MYBPC1: variants seen among roughly 807,000 people sequenced by gnomAD.
MYBPC1 encodes myosin binding protein C1.
MYBPC1 carries 52 observed loss-of-function variants against 147.1 expected under a neutral mutation model. The observed-to-expected ratio is 0.35, with a 90% confidence interval of 0.28 to 0.45. The LOEUF is 0.45. Among genes scored for constraint, MYBPC1 ranks in the 20% least tolerant of loss-of-function variants. The probability of loss-of-function intolerance (pLI) is 1.00; values close to 1 mark genes in which losing one functional copy is unlikely to be tolerated. For synonymous variants in MYBPC1, 477 were observed against 475.9 expected, an observed-to-expected ratio of 1.00 and a Z score of -0.03; for missense variants, 1,228 against 1,440.3, an observed-to-expected ratio of 0.85 and a Z score of 2.39.
At chr12:101,674,165 T>C (rs1022139115) in intron 25 of MYBPC1, among the ~76,000 whole-genome samples, 2 of 152,224 alleles carry the variant, frequency 1.3e-5, no homozygotes, top group African/African-American at 4.8e-5. Flanking sequence ...ATGGATGTGC[T>C]TTTTAGTGAA....
At chr12:101,666,800 A>G (rs1418625244) in intron 22 of MYBPC1, 1 of 1,612,706 alleles carries the variant, frequency 6.2e-7, no homozygotes, top group Admixed American at 1.7e-5. Flanking sequence ...TCTGCCAGGT[A>G]AAGTATTCCG....
chr12:101,692,474 G>A, the MYBPC1 span, among the ~76,000 whole-genome samples: 1 of 152,170 alleles, frequency 6.6e-6, no homozygotes. Context: ...TTGAATCCTG[G>A]CTTTACCACT....
chr12:101,667,558 A>G (rs1446134011), intron 22 of MYBPC1, among the ~76,000 whole-genome samples, 174 bp from the exon 23 acceptor site: 1 of 152,192 alleles, frequency 6.6e-6, no homozygotes, highest in Non-Finnish European at 1.5e-5. Flanking sequence ...TTTTTTATTT[A>G]ATATATGAAA....
chr12:101,693,630 A>G, the MYBPC1 span, among the ~76,000 whole-genome samples: 1 of 152,198 alleles, frequency 6.6e-6, no homozygotes, highest in African/African-American at 2.4e-5. Flanking sequence ...AGTCTCAGCT[A>G]CTCAGGATGC....
intron 10 of MYBPC1, 98 bp downstream of exon 10, chr12:101,636,826 T>G: frequency 9.9e-7 from 1 of 1,008,782 alleles, no homozygotes; most frequent in Non-Finnish European, 1.6e-6. Context: ...TTCAGAGAAT[T>G]TTTCATTTCT....
At chr12:101,631,454 C>A in intron 6 of MYBPC1, 117 bp from the exon 7 acceptor site, 4 of 1,184,894 alleles carry the variant, frequency 3.4e-6, no homozygotes, top group Non-Finnish European at 5.0e-6. Context: ...TTCACAATTC[C>A]GAGGGCACCA....
chr12:101,617,623 T>C (rs1230116040), intron 3 of MYBPC1, among the ~76,000 whole-genome samples: 1 of 152,206 alleles, frequency 6.6e-6, no homozygotes, highest in African/African-American at 2.4e-5. Flanking sequence ...TTTCATGTTA[T>C]TGTGTGAACT....
chr12:101,682,282 A>G (rs965324434), intron 29 of MYBPC1, among the ~76,000 whole-genome samples: 6 of 152,220 alleles, frequency 3.9e-5, no homozygotes, highest in Admixed American at 1.3e-4. Context: ...GCTTTAACAA[A>G]TGGAACAATA....
intron 4 of MYBPC1, among the ~76,000 whole-genome samples, chr12:101,627,330 C>A (rs554026091): frequency 6.6e-6 from 1 of 152,196 alleles, no homozygotes; most frequent in South Asian, 2.1e-4. Context: ...GCAACCTGTG[C>A]CTCCCAGGTT....
intron 30 of MYBPC1, among the ~76,000 whole-genome samples, chr12:101,683,004 G>C (rs1054650489): frequency 1.3e-5 from 2 of 152,262 alleles, no homozygotes; most frequent in East Asian, 3.9e-4. Flanking sequence ...TTTAAATGTA[G>C]AGAGACTTTT....
rs3751246 is a variant in MYBPC1 at position 101,670,280 on chromosome 12, C to T, written c.2525-41C>T. The T allele has an allele frequency of 0.03, 45,676 of 1,541,236 alleles. 2,584 individuals are homozygous for T. Among genetic ancestry groups the T allele is most frequent in the East Asian group, 0.26 (11,376 of 44,460 alleles). ...GCTTTTGTAAGGCTATTTTCAGACACCAGACTGATTGCAAAATTGTGCTAT... is the reference window on the plus strand; with the variant it reads ...GCTTTTGTAAGGCTATTTTCAGACATCAGACTGATTGCAAAATTGTGCTAT... On this transcript the variant is annotated intron_variant, in intron 23 of 31. Transcript: ENST00000361466.
chr12:101,663,757 G>C lies in MYBPC1; in HGVS notation c.2356+197G>C, dbSNP rs112862247. The stretch of plus-strand genomic sequence containing the variant: ...GTGCTTATAAATTGATATCTCAAAA[G>C]TATCTTGGCTAGGCTGCCAGATTGG... On this transcript the variant is annotated intron_variant, in intron 22 of 31. Transcript: ENST00000361466. 9.2e-3 allele frequency among the ~76,000 whole-genome samples: 1,397 copies of C among 152,296 alleles called. 11 individuals are homozygous for C. The highest frequency in any genetic ancestry group is 0.014 in the Non-Finnish European group (955 of 68,024).
At chr12:101,638,736 T>C (rs1891459380) in intron 10 of MYBPC1, among the ~76,000 whole-genome samples, 1 of 152,126 alleles carries the variant, frequency 6.6e-6, no homozygotes, top group African/African-American at 2.4e-5. Flanking sequence ...ATAAAATAAA[T>C]CTAATTACAT....
At position 101,685,813 on chromosome 12, in the gene MYBPC1, A is replaced by G. The variant is rs1440865393; in HGVS notation, c.*251A>G. ...TTCTTTCCTCCTAATGTTGAAGAGAAAAAAAAAAAAAAAAGTTTGCCCAGA... is the reference window on the plus strand; with the variant it reads ...TTCTTTCCTCCTAATGTTGAAGAGAGAAAAAAAAAAAAAAGTTTGCCCAGA... On this transcript the variant is annotated 3_prime_UTR_variant, in exon 32 of 32. Coordinates refer to ENST00000361466, the MANE Select transcript of MYBPC1 (RefSeq NM_002465.4). 1.2e-5 allele frequency: 5 copies of G among 432,498 alleles called. No homozygotes were observed. The highest frequency in any genetic ancestry group is 1.1e-4 in the South Asian group (3 of 27,370). The allele number at this position is 432,498 out of a possible 1,614,324, so 26.8% of individuals were successfully genotyped here.
At chr12:101,600,267 A>G (rs1209328543) in intron 1 of MYBPC1, 2 of 151,666 alleles carry the variant, frequency 1.3e-5, no homozygotes, top group African/African-American at 2.4e-5. Context: ...TCAATGACTC[A>G]CTTTATTTTG....
intron 8 of MYBPC1, among the ~76,000 whole-genome samples, 159 bp from the exon 9 acceptor site, chr12:101,634,395 G>A (rs189892643): frequency 6.6e-5 from 10 of 152,262 alleles, no homozygotes; most frequent in African/African-American, 2.4e-4. Context: ...GGGAGGAGGA[G>A]GTATGATGAG....
chr12:101,644,569 A>T, intron 11 of MYBPC1, 95 bp from the exon 12 acceptor site: 3 of 1,184,942 alleles, frequency 2.5e-6, no homozygotes, highest in Admixed American at 2.2e-5. Flanking sequence ...TCATTTTTTC[A>T]TTTGCTTTTA....
downstream of MYBPC1, among the ~76,000 whole-genome samples, chr12:101,688,976 A>G (rs199702266): frequency 7.2e-6 from 1 of 138,506 alleles, no homozygotes; most frequent in Admixed American, 7.0e-5. Flanking sequence ...AAAGAAAAAG[A>G]AAAAAAAAGA....
chr12:101,673,349 T>A (rs1899127929), intron 24 of MYBPC1, 78 bp from the exon 25 acceptor site: 2 of 1,486,890 alleles, frequency 1.3e-6, no homozygotes, highest in Admixed American at 1.7e-5. Context: ...GTTAAGCCAC[T>A]GTCCTTCTCA....
Sources: gnomAD v4.1 joint callset for allele counts (sites outside exome capture counted in the v4.1 genomes callset) on GRCh38, gnomAD v4.1.1 for gene constraint, MANE v1.5 for transcripts, NCBI Gene and HGNC (gene_info 2026-07-23, HGNC 2026-07-21) for gene names.